Variants in SNX7 observed in about 807,000 individuals in gnomAD.
The protein encoded by SNX7 is sorting nexin 7.
In SNX7, 35 loss-of-function variants were observed where a neutral mutation model predicts 48.4. That is an observed-to-expected ratio of 0.72 (90% CI 0.55 to 0.96). The LOEUF (loss-of-function observed/expected upper bound fraction) is 0.96. Ranked by LOEUF, SNX7 falls within the 40% of genes least tolerant of loss-of-function variation. SNX7 has a pLI of 0.00. For missense variants in SNX7, 553 were observed against 548.9 expected (o/e 1.01, Z -0.07); for synonymous variants, 190 against 190.2 (o/e 1.00, Z 0.01).
chr1:98,740,858 G>A (rs1654036376), intron 8 of SNX7, among the ~76,000 whole-genome samples: 1 of 152,090 alleles, frequency 6.6e-6, no homozygotes, highest in African/African-American at 2.4e-5. Context: ...TAAATTTGGA[G>A]GGATCATTGT....
chr1:98,681,941 T>C (rs1650512629), intron 1 of SNX7, among the ~76,000 whole-genome samples: 1 of 152,166 alleles, frequency 6.6e-6, no homozygotes, highest in African/African-American at 2.4e-5. Context: ...TCTCAATAAG[T>C]AAAAGTTTTC....
At chr1:98,688,341 T>C (rs1179389351) in intron 2 of SNX7, among the ~76,000 whole-genome samples, 1 of 152,198 alleles carries the variant, frequency 6.6e-6, no homozygotes, top group Non-Finnish European at 1.5e-5. Flanking sequence ...CCCTTTGTTG[T>C]CTAGGTTAGC....
Position 98,698,783 on chromosome 1 carries a change from C to T in SNX7, c.916C>T (p.Leu306=), listed in dbSNP as rs1161211620. ...SASEEDLVDT[L]KDVASCIDRC... is the part of the protein sequence containing the mutation. ...GTCAGAAGAGGATCTGGTTGATACT[C>T]TAAAGGATGTTGCCAGCTGCATTGA... is the stretch of plus-strand genomic sequence containing the variant. The change falls in exon 6 of 9, where the codon CTA becomes TTA. Residue 306 remains leucine (L), a synonymous_variant. Coordinates refer to ENST00000306121, the MANE Select transcript of SNX7 (RefSeq NM_015976.5). 1.2e-6 allele frequency: 2 copies of T among 1,613,146 alleles called. No homozygotes were observed. Among genetic ancestry groups the T allele is most frequent in the Admixed American group, 1.7e-5 (1 of 59,916 alleles).
At chr1:98,671,936 GAAAA>G (rs1649891110) in intron 1 of SNX7, among the ~76,000 whole-genome samples, 1 of 151,768 alleles carries the variant, frequency 6.6e-6, no homozygotes, top group Non-Finnish European at 1.5e-5. Flanking sequence ...GAAATATTAA[GAAAA>G]AAAGTCTGTT....
In SNX7 at chr1:98,760,159, T is replaced by G. The variant is rs770380939; in HGVS notation, c.*28T>G. The G allele has an allele frequency of 6.6e-7, 1 of 1,505,958 alleles. No homozygotes were observed. Among genetic ancestry groups the G allele is most frequent in the South Asian group, 1.1e-5 (1 of 88,704 alleles). 93.3% of individuals were successfully genotyped at this position (1,505,958 alleles called of 1,614,324 possible). A position where few individuals can be genotyped will look rare whatever the true frequency, so the allele number is the denominator to read the frequency against. ...CCATTGAGGACTTCTGTTTGATCTT[T>G]GGGAGACAGCATTTATTAACCAAAG... On this transcript the variant is annotated 3_prime_UTR_variant, in exon 9 of 9. Coordinates refer to ENST00000306121, the MANE Select transcript of SNX7 (RefSeq NM_015976.5).
intron 7 of SNX7, among the ~76,000 whole-genome samples, chr1:98,727,193 C>T (rs1653223515): frequency 6.8e-6 from 1 of 146,582 alleles, no homozygotes; most frequent in Non-Finnish European, 1.5e-5. Flanking sequence ...CTAGGTGACA[C>T]AGCGAGACTC....
At chr1:98,696,401 G>A (rs774557260) in intron 5 of SNX7, among the ~76,000 whole-genome samples, 142 of 151,938 alleles carry the variant, frequency 9.3e-4, no homozygotes, top group Non-Finnish European at 1.7e-3. Context: ...CTACTTAACT[G>A]TACTGCCAGT....
At chr1:98,745,741 A>G (rs1654280677) in intron 8 of SNX7, among the ~76,000 whole-genome samples, 1 of 152,086 alleles carries the variant, frequency 6.6e-6, no homozygotes. Flanking sequence ...TTCATTGGGA[A>G]GTACTCACTG....
chr1:98,691,158 A>G lies in SNX7; in HGVS notation c.447A>G (p.Glu149=). Residue 149 remains glutamate, a synonymous_variant, in exon 3 of 9, where the codon GAA becomes GAG. Transcript: ENST00000306121. ...QDFLWLKGKL[E]EAHPTLIIPP... ...TCCTTTGGTTGAAGGGAAAACTGGAAGAAGCACACCCCACTCTGATTATTC... is the reference window on the plus strand; with the variant it reads ...TCCTTTGGTTGAAGGGAAAACTGGAGGAAGCACACCCCACTCTGATTATTC... The G allele has an allele frequency of 6.2e-7, 1 of 1,610,732 alleles. No homozygotes were observed. The highest frequency in any genetic ancestry group is 8.5e-7 in the Non-Finnish European group (1 of 1,178,090).
intron 7 of SNX7, among the ~76,000 whole-genome samples, chr1:98,737,637 A>G (rs1467045912): frequency 6.6e-6 from 1 of 152,204 alleles, no homozygotes; most frequent in Non-Finnish European, 1.5e-5. Context: ...TAAATATTAC[A>G]CTAAGCCTGT....
At chr1:98,756,190 C>A (rs189668014) in intron 8 of SNX7, among the ~76,000 whole-genome samples, 1 of 151,940 alleles carries the variant, frequency 6.6e-6, no homozygotes, top group South Asian at 2.1e-4. Flanking sequence ...ATATAAGAAC[C>A]TACAAATGTG....
chr1:98,751,640 C>G (rs1431049862), intron 8 of SNX7, among the ~76,000 whole-genome samples: 1 of 152,088 alleles, frequency 6.6e-6, no homozygotes, highest in Non-Finnish European at 1.5e-5. Flanking sequence ...AACCCACATC[C>G]TGGCTAATTG....
intron 1 of SNX7, chr1:98,662,954 C>T (rs1482153479): frequency 2.6e-5 from 19 of 735,170 alleles, no homozygotes; most frequent in Non-Finnish European, 3.6e-5. Flanking sequence ...GAATGATAGG[C>T]CCAGGTTTGT....
chr1:98,724,843 C>G (rs535465435), intron 7 of SNX7, among the ~76,000 whole-genome samples: 2 of 152,252 alleles, frequency 1.3e-5, no homozygotes, highest in African/African-American at 4.8e-5. Context: ...TGTAGGGAAG[C>G]TGATTTCTCA....
intron 7 of SNX7, among the ~76,000 whole-genome samples, chr1:98,710,411 C>T (rs1652239699): frequency 6.6e-6 from 1 of 151,950 alleles, no homozygotes; most frequent in Non-Finnish European, 1.5e-5. Flanking sequence ...TAACGAAAGA[C>T]TAAGCTCTGT....
At chr1:98,704,164 A>C (rs543615001) in intron 7 of SNX7, among the ~76,000 whole-genome samples, 1 of 151,978 alleles carries the variant, frequency 6.6e-6, no homozygotes, top group South Asian at 2.1e-4. Flanking sequence ...TTATAACTTA[A>C]TCAGTGTATA....
intron 7 of SNX7, among the ~76,000 whole-genome samples, chr1:98,718,712 A>G (rs1449879913): frequency 1.3e-5 from 2 of 152,152 alleles, no homozygotes. Flanking sequence ...GTATAAGCAC[A>G]TCCTATTGTT....
intron 1 of SNX7, among the ~76,000 whole-genome samples, chr1:98,676,194 C>G (rs558240334): frequency 6.6e-6 from 1 of 151,796 alleles, no homozygotes; most frequent in Non-Finnish European, 1.5e-5. Context: ...TTATATTTTG[C>G]CATTTTTTTC....
intron 1 of SNX7, among the ~76,000 whole-genome samples, chr1:98,671,570 C>G (rs1313398487): frequency 6.6e-6 from 1 of 151,900 alleles, no homozygotes. Flanking sequence ...ATAAAATTCA[C>G]CCATTTTGGG....
Sources: allele counts gnomAD v4.1 joint callset (sites outside exome capture counted in the v4.1 genomes callset), GRCh38; gene constraint gnomAD v4.1.1; transcripts MANE v1.5; gene names NCBI Gene and HGNC (gene_info 2026-07-23, HGNC 2026-07-21).